Variants in SAMMSON observed in about 807,000 individuals in gnomAD.
SAMMSON encodes survival associated mitochondrial melanoma specific oncogenic non-coding RNA, also known as long intergenic non-protein coding RNA 1212.
intron 3 of SAMMSON, among the ~76,000 whole-genome samples, chr3:70,046,524 C>T (rs1181898506): frequency 6.6e-6 from 1 of 152,000 alleles, no homozygotes; most frequent in African/African-American, 2.4e-5. Flanking sequence ...CTTGTACTTT[C>T]CAATTTTTAG....
At chr3:70,091,385 G>A (rs527739781) in intron 4 of SAMMSON, among the ~76,000 whole-genome samples, 1 of 152,270 alleles carries the variant, frequency 6.6e-6, no homozygotes, top group East Asian at 1.9e-4. Flanking sequence ...AGGGCTTCAG[G>A]TTGGTGGGAT....
At chr3:70,082,112 C>G (rs1294062605) in intron 4 of SAMMSON, among the ~76,000 whole-genome samples, 1 of 152,150 alleles carries the variant, frequency 6.6e-6, no homozygotes, top group African/African-American at 2.4e-5. Flanking sequence ...TCAGTCAACT[C>G]TGTCCTGATG....
chr3:70,171,386 A>G (rs6773726), intron 4 of SAMMSON, among the ~76,000 whole-genome samples: 83,444 of 151,594 alleles, frequency 0.55, 24,151 homozygotes, highest in Non-Finnish European at 0.62. Context: ...TCATTGCCAT[A>G]TATTTCTCCT....
chr3:70,198,848 T>G (rs1701207183), intron 4 of SAMMSON, among the ~76,000 whole-genome samples: 2 of 152,156 alleles, frequency 1.3e-5, no homozygotes, highest in African/African-American at 4.8e-5. Context: ...CTCCCATATC[T>G]CATAAGTCAC....
intron 2 of SAMMSON, among the ~76,000 whole-genome samples, chr3:70,401,243 C>T (rs1453379297): frequency 6.7e-6 from 1 of 149,472 alleles, no homozygotes; most frequent in African/African-American, 2.6e-5. Context: ...TGTTTCATAT[C>T]ATTACATAAT....
intron 7 of SAMMSON, among the ~76,000 whole-genome samples, chr3:70,294,469 A>T (rs1702271035): frequency 6.6e-6 from 1 of 152,162 alleles, no homozygotes; most frequent in Non-Finnish European, 1.5e-5. Context: ...CAGTTTCAAA[A>T]AAGTCAGAAA....
chr3:70,268,018 C>T (rs1406251269), intron 6 of SAMMSON, among the ~76,000 whole-genome samples: 1 of 150,668 alleles, frequency 6.6e-6, no homozygotes, highest in Non-Finnish European at 1.5e-5. Flanking sequence ...TCCCCTCCTT[C>T]TCTTCCTCTT....
At chr3:70,268,079 T>C (rs1277660096) in intron 6 of SAMMSON, among the ~76,000 whole-genome samples, 1 of 151,840 alleles carries the variant, frequency 6.6e-6, no homozygotes, top group Admixed American at 6.6e-5. Context: ...AGGACTTCAT[T>C]GTTTTTAGAG....
At chr3:70,370,872 A>G (rs904553967) in intron 9 of SAMMSON, among the ~76,000 whole-genome samples, 1 of 151,986 alleles carries the variant, frequency 6.6e-6, no homozygotes, top group Non-Finnish European at 1.5e-5. Flanking sequence ...TAGAGGTCTT[A>G]GTCATAAACT....
intron 4 of SAMMSON, among the ~76,000 whole-genome samples, chr3:70,190,059 A>G (rs897476629): frequency 6.6e-6 from 1 of 152,180 alleles, no homozygotes; most frequent in African/African-American, 2.4e-5. Flanking sequence ...CTAAAAATAT[A>G]CCTTGACTTT....
chr3:70,137,082 C>T (rs1272545580), intron 4 of SAMMSON, among the ~76,000 whole-genome samples: 1 of 152,134 alleles, frequency 6.6e-6, no homozygotes, highest in East Asian at 1.9e-4. Context: ...TTTTGTCTCC[C>T]ATCTTACGTC....
intron 2 of SAMMSON, among the ~76,000 whole-genome samples, chr3:70,425,784 TCCTTTTCTTTGAGA>T (rs1382699012): frequency 6.6e-6 from 1 of 152,076 alleles, no homozygotes; most frequent in Admixed American, 6.5e-5. Flanking sequence ...AAAAATTAGT[TCCTTTTCTTTGAGA>T]CCCCTGTAAG....
At chr3:70,276,681 C>T (rs910347481) in intron 6 of SAMMSON, among the ~76,000 whole-genome samples, 2 of 152,190 alleles carry the variant, frequency 1.3e-5, no homozygotes, top group African/African-American at 4.8e-5. Flanking sequence ...TGGCCTACTG[C>T]ATTTTTTTGT....
At chr3:70,159,876 C>CT (rs1386958970) in intron 4 of SAMMSON, among the ~76,000 whole-genome samples, 1 of 151,950 alleles carries the variant, frequency 6.6e-6, no homozygotes, top group Non-Finnish European at 1.5e-5. Context: ...AAATTATAGC[C>CT]ATTCTAGTGA....
intron 7 of SAMMSON, among the ~76,000 whole-genome samples, chr3:70,314,419 A>G (rs1046119080): frequency 3.9e-5 from 6 of 152,136 alleles, no homozygotes; most frequent in African/African-American, 1.4e-4. Context: ...GCATTTGGAA[A>G]CCTAATCTAA....
At chr3:70,274,917 A>G (rs773630401) in intron 6 of SAMMSON, among the ~76,000 whole-genome samples, 3 of 152,200 alleles carry the variant, frequency 2.0e-5, no homozygotes, top group Non-Finnish European at 2.9e-5. Flanking sequence ...GATCTTTATT[A>G]GTTTGGCAAA....
intron 6 of SAMMSON, among the ~76,000 whole-genome samples, chr3:70,270,869 C>A (rs907243859): frequency 1.3e-5 from 2 of 152,034 alleles, no homozygotes. Context: ...GAACATCACA[C>A]ACCAGGGCTT....
chr3:70,299,313 ATT>A (rs1185043120), intron 7 of SAMMSON, among the ~76,000 whole-genome samples: 1 of 144,188 alleles, frequency 6.9e-6, no homozygotes, highest in African/African-American at 2.6e-5. Flanking sequence ...AAAATTATAA[ATT>A]TGTGCGTTAT....
rs144308738 is a variant in SAMMSON, at chr3:70,153,076, C to T, written n.507+81511C>T. Among the ~76,000 whole-genome samples the T allele has an allele frequency of 5.4e-3, 818 of 151,992 alleles. 9 individuals are homozygous for T. Among genetic ancestry groups the T allele is most frequent in the African/African-American group, 0.019 (779 of 41,488 alleles). On this transcript the variant is annotated intron_variant and non_coding_transcript_variant, in intron 4 of 9. Coordinates refer to ENST00000642114, the Ensembl canonical transcript of SAMMSON. ...GAATTGCAGAGCCAACACATTGTCC[C>T]TAGAAGTTATATATATTATACACAT...
Sources: allele counts gnomAD v4.1 joint callset (sites outside exome capture counted in the v4.1 genomes callset), GRCh38; gene constraint gnomAD v4.1.1; transcripts MANE v1.5; gene names NCBI Gene and HGNC (gene_info 2026-07-23, HGNC 2026-07-21).